SIPA1L1: variants seen among roughly 807,000 people sequenced by gnomAD.
The protein encoded by SIPA1L1 is signal-induced proliferation-associated 1-like protein 1.
A neutral mutation model predicts 162.7 loss-of-function variants in SIPA1L1; 26 were observed. That is an observed-to-expected ratio of 0.16 (90% CI 0.12 to 0.22). The LOEUF is 0.22. SIPA1L1 is among the 10% of genes least tolerant of loss of function. The probability of loss-of-function intolerance (pLI) is 1.00; values close to 1 mark genes in which losing one functional copy is unlikely to be tolerated. For missense variants in SIPA1L1, 1,874 were observed against 2,241.0 expected (o/e 0.84, Z 3.31); for synonymous variants, 829 against 837.4 (o/e 0.99, Z 0.17).
intron 5 of SIPA1L1, 52 bp downstream of exon 5, chr14:71,589,422 GA>G (rs2034983550): frequency 9.2e-7 from 1 of 1,090,514 alleles, no homozygotes; most frequent in African/African-American, 1.6e-5. Context: ...ACTTTCTGAA[GA>G]AAAGTACTGT....
chr14:71,497,462 T>A (rs1232984468), intron 2 of SIPA1L1, among the ~76,000 whole-genome samples: 1 of 152,186 alleles, frequency 6.6e-6, no homozygotes, highest in African/African-American at 2.4e-5. Flanking sequence ...CCCCTAAAAC[T>A]CCCTCATGCT....
chr14:71,618,862 A>G lies in SIPA1L1; in HGVS notation c.1604A>G (p.Tyr535Cys), dbSNP rs767738674. Residue 535 changes from tyrosine to cysteine, a missense_variant, in exon 6 of 24, where the codon TAC becomes TGC. By Grantham distance (194) the Tyr-to-Cys change is radical (BLOSUM62 -2). Transcript: ENST00000381232. ...AAAGAAAATGGATCTCCGTACAACT[A>G]CCGAATAATTTTTAGAACTAGTGAG... ...EMKENGSPYN[Y>C]RIIFRTSELM... The G allele has an allele frequency of 1.2e-6, 2 of 1,613,794 alleles. No individual in the cohort carries two copies. Among genetic ancestry groups the G allele is most frequent in the East Asian group, 2.2e-5 (1 of 44,862 alleles).
intron 2 of SIPA1L1, among the ~76,000 whole-genome samples, chr14:71,483,711 A>T (rs1039129674): frequency 6.6e-6 from 1 of 152,150 alleles, no homozygotes; most frequent in African/African-American, 2.4e-5. Context: ...ATGTCTAACC[A>T]TGTCACTCTC....
intron 2 of SIPA1L1, among the ~76,000 whole-genome samples, chr14:71,381,267 T>G (rs2039875781): frequency 6.6e-6 from 1 of 152,108 alleles, no homozygotes; most frequent in Non-Finnish European, 1.5e-5. Context: ...TTAGCCAGGA[T>G]GGTCTCAATC....
intron 7 of SIPA1L1, among the ~76,000 whole-genome samples, chr14:71,641,528 C>T (rs1357742033): frequency 1.4e-4 from 22 of 152,166 alleles, no homozygotes; most frequent in Admixed American, 1.4e-3. Flanking sequence ...CGAGACCATC[C>T]TGGCTAATAC....
chr14:71,684,471 A>G (rs894990831), intron 12 of SIPA1L1, among the ~76,000 whole-genome samples: 11 of 152,338 alleles, frequency 7.2e-5, no homozygotes, highest in Admixed American at 2.0e-4. Context: ...TTGGGCCTGC[A>G]CTGTCCAGGA....
chr14:71,387,751 A>G (rs907703178), intron 2 of SIPA1L1, among the ~76,000 whole-genome samples: 2 of 152,232 alleles, frequency 1.3e-5, no homozygotes, highest in East Asian at 3.8e-4. Context: ...TGTCTTTTAT[A>G]TAGAGGAAAC....
chr14:71,435,078 G>A (rs1443858422), intron 2 of SIPA1L1, among the ~76,000 whole-genome samples: 3 of 152,072 alleles, frequency 2.0e-5, no homozygotes, highest in African/African-American at 7.2e-5. Flanking sequence ...AGGCATTTTT[G>A]GGTGGAAGAA....
intron 4 of SIPA1L1, among the ~76,000 whole-genome samples, chr14:71,533,777 A>C (rs114082561): frequency 0.019 from 2,845 of 152,352 alleles, 88 homozygotes; most frequent in African/African-American, 0.065. Flanking sequence ...TGCTGAGTTA[A>C]ATTGAAAGAC....
At position 71,739,269 on chromosome 14, in the gene SIPA1L1, C is replaced by A; in HGVS notation, c.*108C>A. On this transcript the variant is annotated 3_prime_UTR_variant, in exon 24 of 24. Coordinates refer to ENST00000381232, the MANE Select transcript of SIPA1L1 (RefSeq NM_001386936.1). ...ATCCTCAGAGCACCTTCCCTGGCTTCCTACTCTGCCCCCTTTCGGGGAGTG... is the reference window on the plus strand; with the variant it reads ...ATCCTCAGAGCACCTTCCCTGGCTTACTACTCTGCCCCCTTTCGGGGAGTG... 1 of 1,073,074 alleles carries A rather than the reference C, an allele frequency of 9.3e-7. No individual in the cohort carries two copies. The allele number at this position is 1,073,074 out of a possible 1,614,324, so 66.5% of individuals were successfully genotyped here. A position where few individuals can be genotyped will look rare whatever the true frequency, so the allele number is the denominator to read the frequency against.
intron 5 of SIPA1L1, among the ~76,000 whole-genome samples, chr14:71,594,877 G>A (rs562604815): frequency 6.6e-6 from 1 of 152,316 alleles, no homozygotes; most frequent in African/African-American, 2.4e-5. Context: ...CTAGGAGTGT[G>A]TTTTGCTGCT....
At chr14:71,516,846 G>A (rs147223960) in intron 3 of SIPA1L1, among the ~76,000 whole-genome samples, 213 of 152,126 alleles carry the variant, frequency 1.4e-3, no homozygotes, top group Non-Finnish European at 2.5e-3. Flanking sequence ...GGTGGCGGGC[G>A]CCTGTAATCC....
intron 2 of SIPA1L1, among the ~76,000 whole-genome samples, chr14:71,491,403 T>A (rs974833405): frequency 6.6e-6 from 1 of 152,186 alleles, no homozygotes; most frequent in Non-Finnish European, 1.5e-5. Flanking sequence ...ACTGACATTG[T>A]ACTTATCTTC....
chr14:71,732,348 C>T (rs775660248), intron 20 of SIPA1L1, among the ~76,000 whole-genome samples: 1 of 152,146 alleles, frequency 6.6e-6, no homozygotes, highest in African/African-American at 2.4e-5. Flanking sequence ...ACCTGAGTGT[C>T]GCAGTCACCT....
intron 2 of SIPA1L1, among the ~76,000 whole-genome samples, chr14:71,462,811 G>T (rs989896701): frequency 2.6e-5 from 4 of 152,234 alleles, no homozygotes; most frequent in Non-Finnish European, 5.9e-5. Flanking sequence ...AATAAATTAT[G>T]ATACAAAGCT....
At chr14:71,330,545 T>C in intron 2 of SIPA1L1, 2 of 1,442,942 alleles carry the variant, frequency 1.4e-6, no homozygotes, top group Admixed American at 1.7e-5. Context: ...GAGATGAAGA[T>C]GCCTAGCTGG....
chr14:71,446,728 G>A (rs74700220), intron 2 of SIPA1L1, among the ~76,000 whole-genome samples: 3,260 of 151,922 alleles, frequency 0.021, 117 homozygotes, highest in African/African-American at 0.074. Context: ...GAATTATTAG[G>A]TCAGAGTGTC....
chr14:71,608,755 C>T (rs950099850), intron 5 of SIPA1L1, among the ~76,000 whole-genome samples: 4 of 151,884 alleles, frequency 2.6e-5, no homozygotes, highest in Admixed American at 6.6e-5. Context: ...GTAAGCCGGG[C>T]GTGGTGGTGC....
chr14:71,339,708 G>A (rs867797735), intron 2 of SIPA1L1, among the ~76,000 whole-genome samples: 6 of 152,310 alleles, frequency 3.9e-5, no homozygotes, highest in Non-Finnish European at 7.3e-5. Context: ...TTGAGAAGGA[G>A]CCACTCTATC....
Sources: allele counts gnomAD v4.1 joint callset (sites outside exome capture counted in the v4.1 genomes callset), GRCh38; gene constraint gnomAD v4.1.1; transcripts MANE v1.5; gene names NCBI Gene and HGNC (gene_info 2026-07-23, HGNC 2026-07-21).